HERC1: variants seen among roughly 807,000 people sequenced by gnomAD.
HERC1 encodes the protein HECT and RLD domain containing E3 ubiquitin protein ligase family member 1.
In HERC1, 160 loss-of-function variants were observed where a neutral mutation model predicts 554.3. The ratio of observed to expected loss-of-function variants is 0.29; its 90% CI spans 0.25 to 0.33. HERC1 has a LOEUF of 0.33. Among genes scored for constraint, HERC1 ranks in the 10% least tolerant of loss-of-function variants. HERC1 has a pLI of 1.00. For synonymous variants in HERC1, 2,175 were observed against 2,131.7 expected (o/e 1.02, Z -0.56); for missense variants, 4,919 against 5,918.5 (o/e 0.83, Z 5.54).
chr15:63,655,216 T>C (rs547481632), intron 50 of HERC1, among the ~76,000 whole-genome samples: 6 of 152,140 alleles, frequency 3.9e-5, no homozygotes, highest in Non-Finnish European at 8.8e-5. Flanking sequence ...TAGCCGGGCA[T>C]GGTGGCATGT....
chr15:63,831,405 G>A (rs1427148086), intron 1 of HERC1, among the ~76,000 whole-genome samples: 1 of 152,118 alleles, frequency 6.6e-6, no homozygotes, highest in African/African-American at 2.4e-5. Flanking sequence ...CTGTAATCTG[G>A]CCAAAAGTTC....
chr15:63,656,668 G>C (rs1485143485), intron 48 of HERC1, among the ~76,000 whole-genome samples: 2 of 152,166 alleles, frequency 1.3e-5, no homozygotes, highest in Admixed American at 6.5e-5. Flanking sequence ...TCCAGATCAA[G>C]AAACAGAACA....
intron 40 of HERC1, among the ~76,000 whole-genome samples, chr15:63,667,864 T>TAGTC (rs1025379721): frequency 6.6e-6 from 1 of 152,226 alleles, no homozygotes; most frequent in African/African-American, 2.4e-5. Flanking sequence ...AGAGCAAGAC[T>TAGTC]AGTCCCTCCT....
At chr15:63,690,925 A>G (rs1424619910) in intron 31 of HERC1, among the ~76,000 whole-genome samples, 2 of 152,216 alleles carry the variant, frequency 1.3e-5, no homozygotes, top group African/African-American at 2.4e-5. Flanking sequence ...TTTCACACAC[A>G]TACATTCTAT....
chr15:63,626,293 T>C, intron 70 of HERC1, 139 bp from the exon 71 acceptor site: 1 of 794,204 alleles, frequency 1.3e-6, no homozygotes, highest in East Asian at 2.8e-5. Flanking sequence ...CATCGATTCA[T>C]CTTAGTTTGG....
At chr15:63,637,197 A>G in intron 64 of HERC1, 2 of 497,892 alleles carry the variant, frequency 4.0e-6, no homozygotes, top group Non-Finnish European at 7.8e-6. Flanking sequence ...TACATGCATG[A>G]TTGCTACTGC....
In HERC1 at chr15:63,670,177, G is replaced by GT. The variant is rs530821363; in HGVS notation, c.8046-480dup. 2.3e-3 allele frequency among the ~76,000 whole-genome samples: 335 copies of GT among 148,626 alleles called. 2 individuals are homozygous for GT. Among genetic ancestry groups the GT allele is most frequent in the African/African-American group, 8.4e-3 (321 of 38,038 alleles). On this transcript the variant is annotated intron_variant, in intron 39 of 77. Coordinates refer to ENST00000443617, the MANE Select transcript of HERC1 (RefSeq NM_003922.4). Reference sequence around the variant, plus strand: ...TACAGGCAAGTTATGGAAAGAAAAGGTAACTGTCTAGTCACCTAGCACAAC... The same window carrying GT: ...TACAGGCAAGTTATGGAAAGAAAAGGTTAACTGTCTAGTCACCTAGCACAAC...
chr15:63,789,569 A>G (rs2144049631), intron 1 of HERC1, among the ~76,000 whole-genome samples: 1 of 151,796 alleles, frequency 6.6e-6, no homozygotes, highest in Non-Finnish European at 1.5e-5. Context: ...AAGCCGAGGC[A>G]GGCAGATCAC....
intron 27 of HERC1, among the ~76,000 whole-genome samples, chr15:63,695,348 T>G (rs895973352): frequency 4.0e-5 from 6 of 151,310 alleles, no homozygotes; most frequent in Non-Finnish European, 8.8e-5. Context: ...CCAAATTTAA[T>G]TTTAAATGCT....
intron 1 of HERC1, among the ~76,000 whole-genome samples, chr15:63,802,153 T>G (rs2077011304): frequency 7.1e-6 from 1 of 141,264 alleles, no homozygotes. Context: ...GGTCCAGGTC[T>G]CCCCACTCCT....
In HERC1 at chr15:63,749,825, C is replaced by T; in HGVS notation, c.1903-34G>A. On this transcript the variant is annotated intron_variant, in intron 8 of 77. Coordinates refer to ENST00000443617, the MANE Select transcript of HERC1 (RefSeq NM_003922.4). The surrounding 1 kb of genome is among the most constrained non-coding windows in gnomAD (Gnocchi z 4.1). ...AACAGAAATACGTTACACATAACTT[C>T]CTGAGATGATTAGATTGTTGGCTTT... 2 of 1,488,004 alleles carry T rather than the reference C, an allele frequency of 1.3e-6. No homozygotes were observed. Among genetic ancestry groups the T allele is most frequent in the Non-Finnish European group, 1.8e-6 (2 of 1,114,658 alleles). 92.2% of individuals were successfully genotyped at this position (1,488,004 alleles called of 1,614,324 possible).
intron 76 of HERC1, among the ~76,000 whole-genome samples, chr15:63,614,891 A>G (rs1049593322): frequency 2.6e-5 from 4 of 152,234 alleles, no homozygotes; most frequent in African/African-American, 9.6e-5. Flanking sequence ...TCTGGGGCCT[A>G]CTTCCTAGAC....
At chr15:63,659,622 T>C in intron 47 of HERC1, 114 bp downstream of exon 47, 1 of 737,096 alleles carries the variant, frequency 1.4e-6, no homozygotes, top group Non-Finnish European at 2.3e-6. Context: ...TGGGGTGAGA[T>C]AATGTTGAAC....
At chr15:63,720,292 T>A (rs2073763450) in intron 19 of HERC1, among the ~76,000 whole-genome samples, 1 of 151,694 alleles carries the variant, frequency 6.6e-6, no homozygotes, top group Non-Finnish European at 1.5e-5. Flanking sequence ...TAATTCTATG[T>A]TGGCACACCA....
Position 63,732,984 on chromosome 15 carries a change from T to C in HERC1, c.2808A>G (p.Pro936=), listed in dbSNP as rs755656959. Residue 936 remains proline (P), a synonymous_variant, in exon 14 of 78, where the codon CCA becomes CCG. Transcript: ENST00000443617. Reference sequence around the variant, plus strand: ...TCAAAATTTCAGCCAGGTGGGTATCTGGATGGCAGCTCTGAGTGCCGTAAG... The same window carrying C: ...TCAAAATTTCAGCCAGGTGGGTATCCGGATGGCAGCTCTGAGTGCCGTAAG... The part of the protein sequence containing the change: ...DQPYGTQSCH[P]DTHLAEILMK... 1 of 1,614,026 alleles carries C rather than the reference T, an allele frequency of 6.2e-7. No homozygotes were observed. Among genetic ancestry groups the C allele is most frequent in the Non-Finnish European group, 8.5e-7 (1 of 1,179,882 alleles).
intron 39 of HERC1, 123 bp downstream of exon 39, chr15:63,672,373 T>C: frequency 1.5e-6 from 1 of 659,136 alleles, no homozygotes; most frequent in South Asian, 2.9e-5. Context: ...CTATATAATC[T>C]CTTAGTTTCT....
In HERC1 at chr15:63,669,581, T is replaced by TA; in HGVS notation, c.8162dup (p.Leu2721PhefsTer5). ...TTGCTGACTGGGAATCAGGAGAAGT[T>TA]AAACTTTGCCTCCTTCCTACTTCAT... On this transcript the variant is annotated frameshift_variant, in exon 40 of 78. Transcript: ENST00000443617. LOFTEE classifies it high-confidence loss of function. The TA allele has an allele frequency of 6.2e-7, 1 of 1,613,850 alleles. No homozygotes were observed. Among genetic ancestry groups the TA allele is most frequent in the Non-Finnish European group, 8.5e-7 (1 of 1,179,744 alleles).
At chr15:63,708,149 A>C (rs2073113438) in intron 24 of HERC1, among the ~76,000 whole-genome samples, 1 of 152,116 alleles carries the variant, frequency 6.6e-6, no homozygotes, top group Non-Finnish European at 1.5e-5. Context: ...GTCATCATAA[A>C]GCTCCTCAAG....
intron 12 of HERC1, among the ~76,000 whole-genome samples, chr15:63,742,144 G>C (rs376571939): frequency 6.6e-6 from 1 of 152,050 alleles, no homozygotes. Context: ...ATTTATTTCG[G>C]TCTTCTTTAA....
Sources: gnomAD v4.1 joint callset for allele counts (sites outside exome capture counted in the v4.1 genomes callset) on GRCh38, gnomAD v4.1.1 for gene constraint, Gnocchi (gnomAD v3.1) non-coding constraint, MANE v1.5 for transcripts, NCBI Gene and HGNC (gene_info 2026-07-23, HGNC 2026-07-21) for gene names.